The following LRRC69 variants were observed in gnomAD, a reference collection of about 807,000 sequenced individuals.
The protein encoded by LRRC69 is leucine-rich repeat-containing protein 69.
A neutral mutation model predicts 37.8 loss-of-function variants in LRRC69; 42 were observed. That is an observed-to-expected ratio of 1.11 (90% CI 0.87 to 1.44). LRRC69 has a LOEUF of 1.44. Ranked by LOEUF, LRRC69 falls within the 40% of genes most tolerant of loss-of-function variation. The pLI is 0.00. For missense variants in LRRC69, 357 were observed against 401.9 expected, an observed-to-expected ratio of 0.89 and a Z score of 0.96; for synonymous variants, 141 against 143.1, an observed-to-expected ratio of 0.99 and a Z score of 0.11.
intron 6 of LRRC69, among the ~76,000 whole-genome samples, chr8:91,197,350 GGAGCT>G (rs1554596454): frequency 7.9e-5 from 12 of 152,166 alleles, no homozygotes; most frequent in Non-Finnish European, 1.8e-4. Context: ...CAGGCCTCCT[GGAGCT>G]GTGGTGGGCT....
At chr8:91,155,111 A>T (rs1808810080) in intron 5 of LRRC69, among the ~76,000 whole-genome samples, 2 of 151,544 alleles carry the variant, frequency 1.3e-5, no homozygotes, top group Admixed American at 1.3e-4. Flanking sequence ...TCATGAATGA[A>T]CTTCCATTCA....
chr8:91,153,612 C>T (rs1195479944), intron 5 of LRRC69, among the ~76,000 whole-genome samples: 1 of 151,926 alleles, frequency 6.6e-6, no homozygotes, highest in Non-Finnish European at 1.5e-5. Context: ...TCCTGAATGA[C>T]TCCTGAGTAA....
At position 91,151,972 on chromosome 8, in the gene LRRC69, G is replaced by A. The variant is rs1345223867; in HGVS notation, c.651+16233G>A. On this transcript the variant is annotated intron_variant, in intron 5 of 7. Transcript: ENST00000448384. ...TTTGAGAAGTGTGTTCGTGTCCTTT[G>A]CCCACTTTTTGATGTTTATTTTTCT... 2.0e-5 allele frequency among the ~76,000 whole-genome samples: 3 copies of A among 150,904 alleles called. No individual in the cohort carries two copies. The East Asian group carries it at 5.9e-4, about 30-fold the overall frequency.
Position 91,139,636 on chromosome 8 carries a change from C to T in LRRC69, c.651+3897C>T, listed in dbSNP as rs541401205. Among the ~76,000 whole-genome samples the T allele has an allele frequency of 4.0e-5, 6 of 151,578 alleles. No homozygotes were observed. The East Asian group carries it at 1.2e-3, about 30-fold the overall frequency. On this transcript the variant is annotated intron_variant, in intron 5 of 7. Coordinates refer to ENST00000448384, the Ensembl canonical transcript of LRRC69. The stretch of plus-strand genomic sequence containing the variant: ...TTGCACCACTGCACTCCAGCCTGGG[C>T]GACAGAGTAAGACTCCGTCTCAAAA...
intron 1 of LRRC69, among the ~76,000 whole-genome samples, chr8:91,110,664 A>G (rs1813393446): frequency 6.6e-6 from 1 of 151,988 alleles, no homozygotes; most frequent in African/African-American, 2.4e-5. Flanking sequence ...GGAGTGGGGG[A>G]GTTTATCTAA....
intron 5 of LRRC69, among the ~76,000 whole-genome samples, chr8:91,175,695 G>C (rs1809211255): frequency 6.6e-6 from 1 of 152,016 alleles, no homozygotes; most frequent in East Asian, 1.9e-4. Context: ...ACTTCGAAAG[G>C]GGGGCATCAA....
At chr8:91,152,207 C>A (rs548127536) in intron 5 of LRRC69, among the ~76,000 whole-genome samples, 2 of 151,622 alleles carry the variant, frequency 1.3e-5, no homozygotes, top group African/African-American at 4.8e-5. Context: ...TATCTTTGCG[C>A]ATGCCTATTT....
At chr8:91,128,630 G>T in intron 3 of LRRC69, among the ~76,000 whole-genome samples, 1 of 152,064 alleles carries the variant, frequency 6.6e-6, no homozygotes, top group Non-Finnish European at 1.5e-5. Context: ...AAAATAAATC[G>T]GATTGTTTTG....
chr8:91,178,730 C>T (rs1227989318), intron 5 of LRRC69, among the ~76,000 whole-genome samples: 1 of 152,194 alleles, frequency 6.6e-6, no homozygotes. Flanking sequence ...GGTTTGGCAG[C>T]TCAGTCCTTT....
intron 3 of LRRC69, among the ~76,000 whole-genome samples, chr8:91,132,654 G>A (rs1214057550): frequency 6.6e-6 from 1 of 151,854 alleles, no homozygotes. Context: ...AGAATTTGTG[G>A]CTGATTCATC....
At chr8:91,180,415 C>T (rs920716463) in intron 5 of LRRC69, among the ~76,000 whole-genome samples, 1 of 152,118 alleles carries the variant, frequency 6.6e-6, no homozygotes, top group African/African-American at 2.4e-5. Context: ...GAGTAAGTGA[C>T]TCACAAAGAA....
chr8:91,168,436 A>G (rs1409868329), intron 5 of LRRC69, among the ~76,000 whole-genome samples: 1 of 151,920 alleles, frequency 6.6e-6, no homozygotes, highest in African/African-American at 2.4e-5. Flanking sequence ...CTAGGGAAAA[A>G]TAAATGGAAA....
chr8:91,130,465 G>A (rs1813787956), intron 3 of LRRC69: 1 of 151,862 alleles, frequency 6.6e-6, no homozygotes, highest in Non-Finnish European at 1.5e-5. Context: ...AGTAGAGATG[G>A]GGTTTCGCCA....
At chr8:91,203,837 T>C (rs1809751828) in intron 7 of LRRC69, among the ~76,000 whole-genome samples, 1 of 151,868 alleles carries the variant, frequency 6.6e-6, no homozygotes, top group African/African-American at 2.4e-5. Context: ...TGAAGATTTC[T>C]AGCCGGGCAC....
chr8:91,157,467 A>C, intron 5 of LRRC69: 1 of 1,603,320 alleles, frequency 6.2e-7, no homozygotes, highest in South Asian at 1.1e-5. Context: ...TATGCAAGAA[A>C]GGAAGTTTAC....
At chr8:91,205,291 A>G (rs762034620) in intron 7 of LRRC69, among the ~76,000 whole-genome samples, 2 of 152,264 alleles carry the variant, frequency 1.3e-5, no homozygotes, top group East Asian at 1.9e-4. Flanking sequence ...CACGCTTAGG[A>G]CATGGAGGCT....
chr8:91,176,174 C>T (rs1809226286), intron 5 of LRRC69, among the ~76,000 whole-genome samples: 1 of 135,770 alleles, frequency 7.4e-6, no homozygotes, highest in Non-Finnish European at 1.5e-5. Flanking sequence ...CTCACTCTGT[C>T]ACCAGGCTGG....
chr8:91,148,859 CTT>C (rs1808673016), intron 5 of LRRC69, among the ~76,000 whole-genome samples: 1 of 151,870 alleles, frequency 6.6e-6, no homozygotes, highest in Non-Finnish European at 1.5e-5. Flanking sequence ...TTTCATGTGT[CTT>C]TTGGCGGCAT....
At chr8:91,169,333 C>G (rs1809084368) in intron 5 of LRRC69, among the ~76,000 whole-genome samples, 1 of 151,784 alleles carries the variant, frequency 6.6e-6, no homozygotes, top group Non-Finnish European at 1.5e-5. Flanking sequence ...ATGAAATAAT[C>G]TGTATACCAA....
Sources: allele counts gnomAD v4.1 joint callset (sites outside exome capture counted in the v4.1 genomes callset), GRCh38; gene constraint gnomAD v4.1.1; transcripts MANE v1.5; gene names NCBI Gene and HGNC (gene_info 2026-07-23, HGNC 2026-07-21).